Variants in FERMT2 observed in about 807,000 individuals in gnomAD.
The protein encoded by FERMT2 is fermitin family homolog 2.
FERMT2 carries 15 observed loss-of-function variants against 82.7 expected under a neutral mutation model. The observed-to-expected ratio is 0.18, with a 90% CI of 0.12 to 0.28. The LOEUF (loss-of-function observed/expected upper bound fraction) is 0.28, where lower values mean the gene tolerates loss of function less well. Among genes scored for constraint, FERMT2 ranks in the 10% least tolerant of loss-of-function variants. The pLI is 1.00. For synonymous variants in FERMT2, 274 were observed against 271.5 expected (o/e 1.01, Z -0.09); for missense variants, 645 against 809.4 (o/e 0.80, Z 2.46).
At chr14:52,858,573 C>G in intron 14 of FERMT2, 23 bp from the exon 15 acceptor site, 1 of 1,609,772 alleles carries the variant, frequency 6.2e-7, no homozygotes, top group Non-Finnish European at 8.5e-7. Context: ...CAAGAGCCAT[C>G]AGTGCTGTCC....
Position 52,874,179 on chromosome 14 carries a change from G to T in FERMT2, c.1146C>A (p.Phe382Leu), listed in dbSNP as rs759150186. The change falls in exon 9 of 15, where the codon TTC becomes TTA. Residue 382 changes from phenylalanine (F) to leucine (L), a missense_variant and splice_region_variant. Phe to Leu is a conservative substitution (Grantham distance 22). Coordinates refer to ENST00000341590, the MANE Select transcript of FERMT2 (RefSeq NM_006832.3). ...IPELADYIKV[F>L]KPKKLTLKGY... ...GCATCCCTCCTTTTTGTACTTACTT[G>T]AAAACTTTAATGTAGTCAGCAAGTT... 8.2e-6 allele frequency: 13 copies of T among 1,586,692 alleles called. No individual in the cohort carries two copies. Among genetic ancestry groups the T allele is most frequent in the Non-Finnish European group, 9.5e-6 (11 of 1,163,078 alleles).
At chr14:52,911,267 T>C (rs926889115) in intron 3 of FERMT2, among the ~76,000 whole-genome samples, 1 of 152,180 alleles carries the variant, frequency 6.6e-6, no homozygotes, top group Non-Finnish European at 1.5e-5. Context: ...TGAATTTTTA[T>C]AATTTTCACA....
chr14:52,921,158 G>A (rs1384656880), intron 2 of FERMT2, among the ~76,000 whole-genome samples: 1 of 152,088 alleles, frequency 6.6e-6, no homozygotes, highest in Non-Finnish European at 1.5e-5. Flanking sequence ...TTGATTATAT[G>A]GCTGAAACAC....
At chr14:52,950,598 G>C in intron 1 of FERMT2, 21 bp from the exon 2 acceptor site, 1 of 1,609,514 alleles carries the variant, frequency 6.2e-7, no homozygotes, top group Non-Finnish European at 8.5e-7. Context: ...GGAGGAAATG[G>C]CTCTCGTAAG....
intron 2 of FERMT2, among the ~76,000 whole-genome samples, chr14:52,925,842 C>G (rs1219939506): frequency 2.6e-5 from 4 of 152,122 alleles, no homozygotes; most frequent in Non-Finnish European, 4.4e-5. Context: ...CTGGGTTTCA[C>G]TCTGTTGGCC....
intron 4 of FERMT2, among the ~76,000 whole-genome samples, 158 bp downstream of exon 4, chr14:52,893,135 T>C (rs1211627552): frequency 6.6e-6 from 1 of 152,246 alleles, no homozygotes; most frequent in Non-Finnish European, 1.5e-5. Flanking sequence ...TAGCTGGGAC[T>C]ACAGGTGTGT....
At chr14:52,924,477 A>G (rs1363443337) in intron 2 of FERMT2, among the ~76,000 whole-genome samples, 1 of 152,142 alleles carries the variant, frequency 6.6e-6, no homozygotes, top group Non-Finnish European at 1.5e-5. Context: ...CAAACCAAAT[A>G]TATCAGAATC....
At chr14:52,920,134 G>C (rs1422669461) in intron 2 of FERMT2, among the ~76,000 whole-genome samples, 1 of 152,142 alleles carries the variant, frequency 6.6e-6, no homozygotes, top group African/African-American at 2.4e-5. Flanking sequence ...GCTACCCCCA[G>C]ATAAGGCAGG....
In FERMT2 at chr14:52,864,521, G is replaced by A; in HGVS notation, c.1482C>T (p.Ser494=). ...GGTTTAAATGCTGCATCTTCAGAAA[G>A]GAAAGAATATTCTGAACTTCTAAGT... ...SYNLEVQNIL[S]FLKMQHLNPD... The change falls in exon 12 of 15, where the codon TCC becomes TCT. Residue 494 remains serine, a synonymous_variant. Coordinates refer to ENST00000341590, the MANE Select transcript of FERMT2 (RefSeq NM_006832.3). The A allele has an allele frequency of 1.9e-6, 3 of 1,613,800 alleles. No homozygotes were observed. Among genetic ancestry groups the A allele is most frequent in the Non-Finnish European group, 2.5e-6 (3 of 1,179,714 alleles).
chr14:52,905,451 T>C (rs970776377), intron 3 of FERMT2, among the ~76,000 whole-genome samples: 11 of 152,134 alleles, frequency 7.2e-5, no homozygotes, highest in African/African-American at 2.7e-4. Flanking sequence ...ATCTTTCTGC[T>C]TACTGAATAA....
Position 52,858,243 on chromosome 14 carries a change from G to T in FERMT2, c.*134C>A. ...TGCTTGTTTAGTGCACATATTAACTGGTCTGGTAAGGCAAAGAAGTTTTCA... is the reference window on the plus strand; with the variant it reads ...TGCTTGTTTAGTGCACATATTAACTTGTCTGGTAAGGCAAAGAAGTTTTCA... On this transcript the variant is annotated 3_prime_UTR_variant, in exon 15 of 15. Coordinates refer to ENST00000341590, the MANE Select transcript of FERMT2 (RefSeq NM_006832.3). 1.4e-6 allele frequency: 1 copy of T among 701,102 alleles called. No individual in the cohort carries two copies. 43.4% of individuals were successfully genotyped at this position (701,102 alleles called of 1,614,324 possible).
At chr14:52,941,934 A>C (rs1890105543) in intron 2 of FERMT2, among the ~76,000 whole-genome samples, 3 of 152,162 alleles carry the variant, frequency 2.0e-5, no homozygotes, top group Admixed American at 6.5e-5. Context: ...ATGGTACTTA[A>C]ATAGCTCTCT....
intron 10 of FERMT2, among the ~76,000 whole-genome samples, chr14:52,870,294 A>C (rs112604334): frequency 6.6e-6 from 1 of 151,174 alleles, no homozygotes; most frequent in Non-Finnish European, 1.5e-5. Flanking sequence ...TTGTTGCCCA[A>C]GCTGGAGTGC....
At chr14:52,945,352 G>A (rs1179410494) in intron 2 of FERMT2, among the ~76,000 whole-genome samples, 1 of 151,770 alleles carries the variant, frequency 6.6e-6, no homozygotes, top group Admixed American at 6.6e-5. Context: ...CCAGGTTCAA[G>A]CGATTCTCCT....
At chr14:52,922,096 AGGAAGCACACTTG>A (rs1594997661) in intron 2 of FERMT2, among the ~76,000 whole-genome samples, 1 of 152,204 alleles carries the variant, frequency 6.6e-6, no homozygotes, top group East Asian at 1.9e-4. Context: ...AGGAAATCCC[AGGAAGCACACTTG>A]AGGGGATCAG....
rs532716303 is a variant in FERMT2, at chr14:52,917,294, G to A, written c.391+1829C>T. ...TACGTGTGTGTGTGTGTGTGTGTGTGTATGTGTGTGTCTGTGTATTTTACA... is the reference window on the plus strand; with the variant it reads ...TACGTGTGTGTGTGTGTGTGTGTGTATATGTGTGTGTCTGTGTATTTTACA... On this transcript the variant is annotated intron_variant, in intron 3 of 14. Coordinates refer to ENST00000341590, the MANE Select transcript of FERMT2 (RefSeq NM_006832.3). Among the ~76,000 whole-genome samples the A allele has an allele frequency of 9.9e-5, 15 of 151,872 alleles. No individual in the cohort carries two copies. The East Asian group carries it at 1.4e-3, about 14-fold the overall frequency.
At chr14:52,867,142 G>T (rs1239073235) in intron 10 of FERMT2, among the ~76,000 whole-genome samples, 2 of 139,290 alleles carry the variant, frequency 1.4e-5, no homozygotes, top group East Asian at 2.1e-4. Context: ...TCACCATGTT[G>T]CCCAGGCTGT....
chr14:52,929,376 C>T (rs374834862), intron 2 of FERMT2, among the ~76,000 whole-genome samples: 2 of 152,204 alleles, frequency 1.3e-5, no homozygotes, highest in Admixed American at 6.5e-5. Flanking sequence ...CCATTCAGCA[C>T]TTTGCATACA....
At chr14:52,898,983 G>A (rs2139568809) in intron 3 of FERMT2, among the ~76,000 whole-genome samples, 1 of 152,252 alleles carries the variant, frequency 6.6e-6, no homozygotes, top group East Asian at 1.9e-4. Context: ...TGTACTACAT[G>A]ATTCAAATGT....
Sources: gnomAD v4.1 joint callset for allele counts (sites outside exome capture counted in the v4.1 genomes callset) on GRCh38, gnomAD v4.1.1 for gene constraint, MANE v1.5 for transcripts, NCBI Gene and HGNC (gene_info 2026-07-23, HGNC 2026-07-21) for gene names.